The following LRRC7 variants were observed in gnomAD, a reference collection of about 807,000 sequenced individuals.
LRRC7 encodes leucine rich repeat containing 7, also known as leucine-rich repeat-containing protein 7.
In LRRC7, 23 loss-of-function variants were observed where a neutral mutation model predicts 175.7. That is an observed-to-expected ratio of 0.13 (90% CI 0.09 to 0.19). LRRC7 has a LOEUF of 0.19. Ranked by LOEUF, LRRC7 falls within the 10% of genes least tolerant of loss-of-function variation. The probability of loss-of-function intolerance (pLI) is 1.00; values close to 1 mark genes in which losing one functional copy is unlikely to be tolerated. For missense variants in LRRC7, 1,354 were observed against 1,904.7 expected (o/e 0.71, Z 5.38); for synonymous variants, 685 against 680.9 (o/e 1.01, Z -0.09).
At chr1:69,764,887 T>G (rs1671461098) in intron 3 of LRRC7, among the ~76,000 whole-genome samples, 1 of 152,038 alleles carries the variant, frequency 6.6e-6, no homozygotes, top group Non-Finnish European at 1.5e-5. Flanking sequence ...TGAAATAAGA[T>G]TTCCATGTTA....
intron 7 of LRRC7, among the ~76,000 whole-genome samples, chr1:69,842,985 G>A (rs1303243700): frequency 6.6e-6 from 1 of 152,002 alleles, no homozygotes. Context: ...AATCACTTGA[G>A]GTCAGGAGTT....
intron 3 of LRRC7, among the ~76,000 whole-genome samples, chr1:69,790,884 T>C (rs1675027735): frequency 6.6e-6 from 1 of 151,998 alleles, no homozygotes; most frequent in African/African-American, 2.4e-5. Flanking sequence ...GCACCAAACA[T>C]GACCCAAAGT....
intron 12 of LRRC7, among the ~76,000 whole-genome samples, 150 bp from the exon 13 acceptor site, chr1:70,012,819 ATATTT>A (rs1656633210): frequency 6.6e-6 from 1 of 151,110 alleles, no homozygotes; most frequent in Admixed American, 6.6e-5. Context: ...TAATATACCT[ATATTT>A]TAAAGAGCTA....
chr1:69,917,882 C>CA lies in LRRC7; in HGVS notation c.648-13618dup, dbSNP rs1048726444. On this transcript the variant is annotated intron_variant, in intron 7 of 26. Coordinates refer to ENST00000651989, the MANE Select transcript of LRRC7 (RefSeq NM_001370785.2). ...ATAATGCTATCTCGAGCTACAATCT[C>CA]AAAAAAATCTGTTGATTATATCTCA... 4.6e-5 allele frequency among the ~76,000 whole-genome samples: 7 copies of CA among 152,138 alleles called. No homozygotes were observed. The East Asian group carries it at 9.7e-4, about 21-fold the overall frequency.
At chr1:69,870,037 G>A (rs1685358979) in intron 7 of LRRC7, among the ~76,000 whole-genome samples, 1 of 152,130 alleles carries the variant, frequency 6.6e-6, no homozygotes, top group Admixed American at 6.6e-5. Flanking sequence ...AAATGTGGGA[G>A]TCAGTTCTAG....
chr1:69,698,448 A>G (rs1479412105), intron 2 of LRRC7, among the ~76,000 whole-genome samples: 2 of 152,252 alleles, frequency 1.3e-5, no homozygotes, highest in Non-Finnish European at 2.9e-5. Flanking sequence ...CCAGAAAGCA[A>G]TGGCTCTCGC....
chr1:69,971,116 A>G (rs1294796666), intron 8 of LRRC7, among the ~76,000 whole-genome samples: 1 of 152,092 alleles, frequency 6.6e-6, no homozygotes, highest in African/African-American at 2.4e-5. Flanking sequence ...TCAGCATACA[A>G]GGACATACCT....
In LRRC7 at chr1:70,036,001, C is replaced by T. The variant is rs1277458049; in HGVS notation, c.1996-120C>T. ...ATATGGTTTATTTCTCCCAGTGCCTCACAGTGAACTGAATTCTAGAGTCAC... is the reference window on the plus strand; with the variant it reads ...ATATGGTTTATTTCTCCCAGTGCCTTACAGTGAACTGAATTCTAGAGTCAC... On this transcript the variant is annotated intron_variant, in intron 18 of 26. Coordinates refer to ENST00000651989, the MANE Select transcript of LRRC7 (RefSeq NM_001370785.2). 3 of 696,628 alleles carry T rather than the reference C, an allele frequency of 4.3e-6. No homozygotes were observed. The African/African-American group carries it at 5.5e-5, about 13-fold the overall frequency. 43.2% of individuals were successfully genotyped at this position (696,628 alleles called of 1,614,324 possible). A position where few individuals can be genotyped will look rare whatever the true frequency, so the allele number is the denominator to read the frequency against.
chr1:69,732,467 A>T (rs545863751), intron 2 of LRRC7, among the ~76,000 whole-genome samples: 2 of 152,184 alleles, frequency 1.3e-5, no homozygotes, highest in Admixed American at 1.3e-4. Context: ...GAAATAAAGG[A>T]TCCAATAGTT....
chr1:69,755,248 A>G (rs1040039858), intron 2 of LRRC7, among the ~76,000 whole-genome samples: 1 of 151,830 alleles, frequency 6.6e-6, no homozygotes, highest in African/African-American at 2.4e-5. Flanking sequence ...TTCTTATAAC[A>G]AAGACTCCAC....
chr1:69,789,557 TAAG>T (rs1449792908), intron 3 of LRRC7, among the ~76,000 whole-genome samples: 3 of 152,122 alleles, frequency 2.0e-5, no homozygotes, highest in South Asian at 2.1e-4. Context: ...ATAATTATAT[TAAG>T]AAGTTCACTG....
At chr1:70,045,968 C>G (rs1401569747) in intron 22 of LRRC7, among the ~76,000 whole-genome samples, 2 of 152,024 alleles carry the variant, frequency 1.3e-5, no homozygotes, top group East Asian at 3.9e-4. Context: ...TATTACAATT[C>G]AAGGTGATAG....
In LRRC7 at chr1:69,854,632, C is replaced by T. The variant is rs147368133; in HGVS notation, c.647+16349C>T. ...CCAGATATCCAGATATCTTTACACT[C>T]TCATATAGAATGAAGTTATTACTTG... On this transcript the variant is annotated intron_variant, in intron 7 of 26. Transcript: ENST00000651989. 4.1e-3 allele frequency among the ~76,000 whole-genome samples: 620 copies of T among 152,202 alleles called. 5 individuals carry two copies. Among genetic ancestry groups the T allele is most frequent in the African/African-American group, 0.014 (564 of 41,510 alleles).
chr1:69,823,141 C>T (rs968676889), intron 4 of LRRC7, among the ~76,000 whole-genome samples: 1 of 152,140 alleles, frequency 6.6e-6, no homozygotes, highest in African/African-American at 2.4e-5. Context: ...CCTCGATATT[C>T]CTTGAATGAG....
intron 4 of LRRC7, among the ~76,000 whole-genome samples, chr1:69,813,878 C>T (rs1678264673): frequency 1.3e-5 from 2 of 151,984 alleles, no homozygotes; most frequent in Admixed American, 6.6e-5. Flanking sequence ...CCTGTTTAAT[C>T]ACAAGTCAGA....
intron 1 of LRRC7, among the ~76,000 whole-genome samples, chr1:69,670,655 G>A (rs1283245894): frequency 6.6e-6 from 1 of 152,154 alleles, no homozygotes; most frequent in African/African-American, 2.4e-5. Flanking sequence ...CCAGGGACTA[G>A]AATCAAAAAC....
At chr1:69,865,511 C>T (rs967103897) in intron 7 of LRRC7, among the ~76,000 whole-genome samples, 1 of 72,740 alleles carries the variant, frequency 1.4e-5, no homozygotes, top group African/African-American at 5.1e-5. Context: ...GAGTCCCGCT[C>T]AGTGCCCCAG....
At chr1:69,888,246 A>C (rs1466047307) in intron 7 of LRRC7, among the ~76,000 whole-genome samples, 1 of 152,024 alleles carries the variant, frequency 6.6e-6, no homozygotes, top group Non-Finnish European at 1.5e-5. Context: ...TTGATCTCAG[A>C]CTGCTGTGCT....
In LRRC7 at chr1:70,107,805, G is replaced by C; in HGVS notation, c.4599G>C (p.Gln1533His). 2 of 1,612,968 alleles carry C rather than the reference G, an allele frequency of 1.2e-6. No homozygotes were observed. Among genetic ancestry groups the C allele is most frequent in the Non-Finnish European group, 1.7e-6 (2 of 1,179,218 alleles). Residue 1533 changes from glutamine to histidine, a missense_variant, in exon 26 of 27, where the codon CAG (glutamine) becomes CAC (histidine). Around this residue, in one of 4 missense-constraint regions of LRRC7, gnomAD observed 53 missense variants for 112.6 expected, o/e 0.47. Coordinates refer to ENST00000651989, the MANE Select transcript of LRRC7 (RefSeq NM_001370785.2). Reference sequence around the variant, plus strand: ...ATGGGCCAGCATCAAACCTACTGCAGCCTGGTGATAAGATCCTTCAGGTAA... The same window carrying C: ...ATGGGCCAGCATCAAACCTACTGCACCCTGGTGATAAGATCCTTCAGGTAA... ...QPDGPASNLLQPGDKILQANG... is the reference protein window; with the variant it reads ...QPDGPASNLLHPGDKILQANG...
Sources: gnomAD v4.1 joint callset for allele counts (sites outside exome capture counted in the v4.1 genomes callset) on GRCh38, gnomAD v4.1.1 for gene constraint, gnomAD v4.1.1 regional missense constraint, MANE v1.5 for transcripts, NCBI Gene and HGNC (gene_info 2026-07-23, HGNC 2026-07-21) for gene names.